Variants in PRKD1 observed in about 807,000 individuals in gnomAD.
The protein encoded by PRKD1 is serine/threonine-protein kinase D1.
A neutral mutation model predicts 95.9 loss-of-function variants in PRKD1; 63 were observed. The observed-to-expected ratio is 0.66, with a 90% CI of 0.54 to 0.81. PRKD1 has a LOEUF of 0.81. Ranked by LOEUF, PRKD1 falls within the 30% of genes least tolerant of loss-of-function variation. The pLI is 0.00. For missense variants in PRKD1, 1,048 were observed against 1,165.3 expected (o/e 0.90, Z 1.47); for synonymous variants, 425 against 423.1 (o/e 1.00, Z -0.05).
At chr14:29,792,604 C>A (rs1425775346) in intron 1 of PRKD1, among the ~76,000 whole-genome samples, 1 of 151,984 alleles carries the variant, frequency 6.6e-6, no homozygotes, top group East Asian at 1.9e-4. Context: ...AATAAGTCAA[C>A]AAAAGTGGGA....
At chr14:29,795,427 A>G (rs17096068) in intron 1 of PRKD1, among the ~76,000 whole-genome samples, 19,665 of 152,076 alleles carry the variant, frequency 0.13, 1,589 homozygotes, top group East Asian at 0.33. Flanking sequence ...TGTGTTTTAA[A>G]TAATTCATGT....
intron 9 of PRKD1, among the ~76,000 whole-genome samples, chr14:29,632,232 C>A (rs1431189664): frequency 2.0e-5 from 3 of 152,076 alleles, no homozygotes; most frequent in African/African-American, 7.2e-5. Flanking sequence ...GTGAGGTTTC[C>A]ATTTTCTGTG....
intron 2 of PRKD1, among the ~76,000 whole-genome samples, chr14:29,666,536 T>C (rs966970550): frequency 6.6e-6 from 1 of 152,046 alleles, no homozygotes; most frequent in Non-Finnish European, 1.5e-5. Context: ...ACTTAAAAAA[T>C]ATTTTACTTT....
chr14:29,794,340 C>G (rs148590750), intron 1 of PRKD1, among the ~76,000 whole-genome samples: 40 of 151,724 alleles, frequency 2.6e-4, no homozygotes, highest in African/African-American at 8.7e-4. Context: ...TAAACAAACA[C>G]AAATAGAAAT....
intron 4 of PRKD1, among the ~76,000 whole-genome samples, chr14:29,651,754 T>G (rs767123135): frequency 6.6e-6 from 1 of 152,132 alleles, no homozygotes; most frequent in Non-Finnish European, 1.5e-5. Context: ...TTTATGTATT[T>G]ATTTTTGAGA....
At chr14:29,916,102 G>A (rs140477980) in intron 1 of PRKD1, among the ~76,000 whole-genome samples, 50 of 152,282 alleles carry the variant, frequency 3.3e-4, no homozygotes, top group Non-Finnish European at 6.5e-4. Flanking sequence ...ACCAGTTCAA[G>A]GTGCTTTGAC....
intron 1 of PRKD1, among the ~76,000 whole-genome samples, chr14:29,846,341 T>C (rs1266122937): frequency 1.3e-5 from 2 of 152,100 alleles, no homozygotes; most frequent in African/African-American, 4.8e-5. Flanking sequence ...AGGGAGTATT[T>C]TGAATTTGGT....
At chr14:29,753,947 C>T (rs536569987) in intron 1 of PRKD1, among the ~76,000 whole-genome samples, 1 of 152,236 alleles carries the variant, frequency 6.6e-6, no homozygotes, top group South Asian at 2.1e-4. Flanking sequence ...TGAGAACATA[C>T]GTATGCAAAA....
At chr14:29,634,350 C>G in intron 8 of PRKD1, 68 bp downstream of exon 8, 1 of 1,608,772 alleles carries the variant, frequency 6.2e-7, no homozygotes, top group Non-Finnish European at 8.5e-7. Flanking sequence ...ACAGTCCTCA[C>G]GGGACATTAG....
chr14:29,742,133 C>A lies in PRKD1; in HGVS notation c.265-16459G>T, dbSNP rs938938613. Among the ~76,000 whole-genome samples, 3 of 152,162 alleles carry A rather than the reference C, an allele frequency of 2.0e-5. No homozygotes were observed. In the East Asian group the frequency reaches 5.8e-4, roughly 29 times the overall value. The stretch of plus-strand genomic sequence containing the variant: ...TAAAGGATCAAAATCAAAACAATTT[C>A]TCTCATTTACTTTGATGTTCCTTGA... On this transcript the variant is annotated intron_variant, in intron 1 of 17. Coordinates refer to ENST00000331968, the MANE Select transcript of PRKD1 (RefSeq NM_002742.3).
At chr14:29,894,952 A>G (rs1355028829) in intron 1 of PRKD1, among the ~76,000 whole-genome samples, 1 of 152,250 alleles carries the variant, frequency 6.6e-6, no homozygotes, top group Non-Finnish European at 1.5e-5. Context: ...TGTACGTTTA[A>G]ATAACAGTCT....
chr14:29,619,257 G>T (rs1025931634), intron 13 of PRKD1, among the ~76,000 whole-genome samples: 2 of 151,924 alleles, frequency 1.3e-5, no homozygotes, highest in Non-Finnish European at 2.9e-5. Flanking sequence ...GTTCAAGATG[G>T]TGAGCTCTAG....
chr14:29,891,947 G>A (rs186957237), intron 1 of PRKD1, among the ~76,000 whole-genome samples: 1 of 152,160 alleles, frequency 6.6e-6, no homozygotes, highest in Admixed American at 6.5e-5. Flanking sequence ...AAATTTCTGA[G>A]TTTCATCAAA....
intron 4 of PRKD1, among the ~76,000 whole-genome samples, chr14:29,663,090 T>A (rs1882274627): frequency 6.9e-6 from 1 of 145,138 alleles, no homozygotes; most frequent in Non-Finnish European, 1.5e-5. Flanking sequence ...AAATATATAC[T>A]ATATAATATA....
intron 1 of PRKD1, among the ~76,000 whole-genome samples, chr14:29,772,495 G>A (rs1888555665): frequency 1.3e-5 from 2 of 152,208 alleles, no homozygotes; most frequent in Middle Eastern, 6.8e-3. Flanking sequence ...TTTTGTTATA[G>A]CCGCCCAAAT....
At chr14:29,754,613 T>C (rs889898565) in intron 1 of PRKD1, among the ~76,000 whole-genome samples, 1 of 152,144 alleles carries the variant, frequency 6.6e-6, no homozygotes, top group Non-Finnish European at 1.5e-5. Flanking sequence ...TTTAACTCTT[T>C]ATCATATATA....
intron 1 of PRKD1, among the ~76,000 whole-genome samples, chr14:29,863,719 C>T (rs45509396): frequency 6.6e-6 from 1 of 152,082 alleles, no homozygotes; most frequent in East Asian, 1.9e-4. Flanking sequence ...CCTTCTCTCC[C>T]CCTTGGTTTT....
chr14:29,778,623 C>A (rs888032895), intron 1 of PRKD1, among the ~76,000 whole-genome samples: 10 of 152,082 alleles, frequency 6.6e-5, no homozygotes, highest in Non-Finnish European at 7.4e-5. Context: ...AAATAACAGG[C>A]TCTGAAATTG....
Position 29,626,477 on chromosome 14 carries a change from A to AACCT in PRKD1, c.1798+3_1798+6dup. The stretch of plus-strand genomic sequence containing the variant: ...AGTTCATAAAAATACTCAGTGAGAT[A>AACCT]ACCTACCTCCATAAACAATTCCAAA... On this transcript the variant is annotated splice_region_variant and intron_variant, in intron 12 of 17. Coordinates refer to ENST00000331968, the MANE Select transcript of PRKD1 (RefSeq NM_002742.3). 1 of 1,604,606 alleles carries AACCT rather than the reference A, an allele frequency of 6.2e-7. No homozygotes were observed. The highest frequency in any genetic ancestry group is 8.5e-7 in the Non-Finnish European group (1 of 1,174,636).
Sources: gnomAD v4.1 joint callset for allele counts (sites outside exome capture counted in the v4.1 genomes callset) on GRCh38, gnomAD v4.1.1 for gene constraint, MANE v1.5 for transcripts, NCBI Gene and HGNC (gene_info 2026-07-23, HGNC 2026-07-21) for gene names.